The following RORA variants were observed in gnomAD, a reference collection of about 807,000 sequenced individuals.
RORA encodes the protein nuclear receptor ROR-alpha.
A neutral mutation model predicts 69.5 loss-of-function variants in RORA; 7 were observed. The ratio of observed to expected loss-of-function variants is 0.10; its 90% CI spans 0.06 to 0.19. The LOEUF is 0.19. RORA is among the 10% of genes least tolerant of loss of function. RORA has a pLI of 1.00. For missense variants in RORA, 457 were observed against 663.0 expected (o/e 0.69, Z 3.41); for synonymous variants, 261 against 240.8 (o/e 1.08, Z -0.78).
At chr15:60,661,852 G>T (rs1333074556) in intron 2 of RORA, among the ~76,000 whole-genome samples, 2 of 152,170 alleles carry the variant, frequency 1.3e-5, no homozygotes, top group African/African-American at 4.8e-5. Flanking sequence ...AGGGAACAGG[G>T]GTATTTTGAC....
chr15:61,193,240 C>T (rs1053378520), intron 1 of RORA, among the ~76,000 whole-genome samples: 29 of 152,208 alleles, frequency 1.9e-4, no homozygotes, highest in African/African-American at 7.0e-4. Flanking sequence ...AAATTCTATA[C>T]TTTCATAAAA....
chr15:60,836,250 A>C (rs959546576), intron 1 of RORA, among the ~76,000 whole-genome samples: 2 of 152,196 alleles, frequency 1.3e-5, no homozygotes, highest in African/African-American at 4.8e-5. Context: ...CATCCCTCAA[A>C]GATCTGGGCT....
chr15:60,815,970 T>TATACTATAAATAGTGTA (rs1296459365), intron 1 of RORA, among the ~76,000 whole-genome samples: 32 of 127,286 alleles, frequency 2.5e-4, no homozygotes, highest in African/African-American at 8.2e-4. Flanking sequence ...GTATATGTAT[T>TATACTATAAATAGTGTA]TATTTACTAT....
intron 10 of RORA, among the ~76,000 whole-genome samples, chr15:60,498,843 A>G (rs1408423147): frequency 6.6e-6 from 1 of 150,488 alleles, no homozygotes; most frequent in Non-Finnish European, 1.5e-5. Context: ...TTCTGGTCTA[A>G]CATAGCTATA....
chr15:61,032,741 T>C (rs572878968), intron 1 of RORA, among the ~76,000 whole-genome samples: 145 of 152,168 alleles, frequency 9.5e-4, no homozygotes, highest in Non-Finnish European at 1.9e-3. Flanking sequence ...ATTATCTTCA[T>C]ACAAGATCAT....
At chr15:60,798,352 C>T (rs530877124) in intron 1 of RORA, among the ~76,000 whole-genome samples, 14 of 151,902 alleles carry the variant, frequency 9.2e-5, no homozygotes, top group Non-Finnish European at 1.9e-4. Flanking sequence ...AGTAGCAAAG[C>T]ATTCAAAAAT....
chr15:61,117,705 T>C (rs1243107838), intron 1 of RORA, among the ~76,000 whole-genome samples: 1 of 152,218 alleles, frequency 6.6e-6, no homozygotes. Context: ...CGAAAGAAAA[T>C]GCATCAATAA....
At chr15:60,663,879 A>G (rs2070342599) in intron 2 of RORA, among the ~76,000 whole-genome samples, 1 of 152,230 alleles carries the variant, frequency 6.6e-6, no homozygotes, top group Non-Finnish European at 1.5e-5. Context: ...TCAGTGGCAT[A>G]ATTAACCCAA....
intron 1 of RORA, among the ~76,000 whole-genome samples, chr15:61,054,594 C>G (rs533952894): frequency 2.0e-5 from 3 of 152,244 alleles, no homozygotes; most frequent in African/African-American, 7.2e-5. Flanking sequence ...AATAAGGTCC[C>G]TTCAATGAGG....
chr15:60,980,653 G>A (rs1000672858), intron 1 of RORA, among the ~76,000 whole-genome samples: 2 of 151,982 alleles, frequency 1.3e-5, no homozygotes, highest in Non-Finnish European at 2.9e-5. Flanking sequence ...AGGTTATCCA[G>A]TTTGCTGGTA....
intron 2 of RORA, among the ~76,000 whole-genome samples, chr15:60,661,234 G>A (rs1018657307): frequency 6.6e-6 from 1 of 152,168 alleles, no homozygotes; most frequent in African/African-American, 2.4e-5. Context: ...AAGAAGTGGT[G>A]CAGTTGCACA....
intron 2 of RORA, among the ~76,000 whole-genome samples, chr15:60,662,773 G>A (rs1209826693): frequency 6.6e-6 from 1 of 152,104 alleles, no homozygotes; most frequent in South Asian, 2.1e-4. Flanking sequence ...AAGAAAACAT[G>A]TTTTTCACAA....
chr15:61,145,147 A>G (rs543302654), intron 1 of RORA, among the ~76,000 whole-genome samples: 5 of 152,212 alleles, frequency 3.3e-5, no homozygotes, highest in Non-Finnish European at 5.9e-5. Flanking sequence ...ATATCTGTAC[A>G]AAGATTTTAA....
chr15:60,751,129 A>G (rs2071717467), intron 1 of RORA, among the ~76,000 whole-genome samples: 1 of 152,168 alleles, frequency 6.6e-6, no homozygotes, highest in South Asian at 2.1e-4. Context: ...GGCCCTAAGG[A>G]GTATGTCTCC....
At chr15:61,209,058 T>C (rs1017917040) in intron 1 of RORA, among the ~76,000 whole-genome samples, 1 of 152,200 alleles carries the variant, frequency 6.6e-6, no homozygotes, top group Non-Finnish European at 1.5e-5. Flanking sequence ...GGTTCTTTCC[T>C]TACCCTAAAG....
intron 1 of RORA, among the ~76,000 whole-genome samples, chr15:60,819,767 A>ACACACACACGCGCG (rs1438889109): frequency 1.3e-4 from 19 of 147,532 alleles, no homozygotes; most frequent in Non-Finnish European, 2.4e-4. Flanking sequence ...ACACACACAC[A>ACACACACACGCGCG]CACACACACA....
At chr15:60,738,998 C>T (rs1271241707) in intron 1 of RORA, among the ~76,000 whole-genome samples, 2 of 152,204 alleles carry the variant, frequency 1.3e-5, no homozygotes, top group South Asian at 4.1e-4. Context: ...AGGGGCCCAC[C>T]CTACTCCATG....
intron 1 of RORA, among the ~76,000 whole-genome samples, chr15:61,120,523 C>A (rs982169845): frequency 5.9e-5 from 9 of 151,882 alleles, no homozygotes; most frequent in African/African-American, 9.7e-5. Flanking sequence ...CACGATGAAA[C>A]CCCGTCTCTA....
chr15:61,104,992 G>GCC (rs2078931314), intron 1 of RORA, among the ~76,000 whole-genome samples: 13 of 146,746 alleles, frequency 8.9e-5, no homozygotes, highest in African/African-American at 3.3e-4. Context: ...ATGATCATGA[G>GCC]GCGCCCCCCC....
Sources: allele counts gnomAD v4.1 joint callset (sites outside exome capture counted in the v4.1 genomes callset), GRCh38; gene constraint gnomAD v4.1.1; transcripts MANE v1.5; gene names NCBI Gene and HGNC (gene_info 2026-07-23, HGNC 2026-07-21).